GALNT9: variants seen among roughly 807,000 people sequenced by gnomAD.
GALNT9 encodes polypeptide N-acetylgalactosaminyltransferase 9.
A neutral mutation model predicts 63.1 loss-of-function variants in GALNT9; 47 were observed. The ratio of observed to expected loss-of-function variants is 0.75; its 90% CI spans 0.59 to 0.95. The LOEUF (loss-of-function observed/expected upper bound fraction) is 0.95, where lower values mean the gene tolerates loss of function less well. Among genes scored for constraint, GALNT9 ranks in the 40% least tolerant of loss-of-function variants. GALNT9 has a pLI of 0.00. For synonymous variants in GALNT9, 396 were observed against 365.7 expected, an observed-to-expected ratio of 1.08 and a Z score of -0.94; for missense variants, 829 against 874.8, an observed-to-expected ratio of 0.95 and a Z score of 0.66.
At chr12:132,262,715 C>T (rs936349276) in intron 2 of GALNT9, 90 bp from the exon 3 acceptor site, 38 of 1,450,054 alleles carry the variant, frequency 2.6e-5, no homozygotes, top group Middle Eastern at 2.5e-4. Flanking sequence ...GCAGGAGACA[C>T]GGTTTGGGGT....
chr12:132,296,842 G>A lies in GALNT9; in HGVS notation c.239-10412C>T, dbSNP rs1256415765. The stretch of plus-strand genomic sequence containing the variant: ...AGAGCACACACGCATTGGGGGCTGG[G>A]CGGGGGGAGGGTGGAACTCTTCCTT... On this transcript the variant is annotated intron_variant, in intron 1 of 10. Transcript: ENST00000328957. The surrounding 1 kb of genome is among the most constrained non-coding windows in gnomAD (Gnocchi z 4.2). Among the ~76,000 whole-genome samples the A allele has an allele frequency of 6.6e-6, 1 of 151,894 alleles. No individual in the cohort carries two copies. Among genetic ancestry groups the A allele is most frequent in the Non-Finnish European group, 1.5e-5 (1 of 67,964 alleles).
At chr12:132,288,690 C>T (rs969297638) in intron 1 of GALNT9, among the ~76,000 whole-genome samples, 13 of 146,284 alleles carry the variant, frequency 8.9e-5, no homozygotes, top group East Asian at 8.3e-4. Context: ...GCATTGGACC[C>T]GGCAGGAGGG....
intron 6 of GALNT9, among the ~76,000 whole-genome samples, chr12:132,230,043 G>A (rs1203990131): frequency 5.3e-5 from 8 of 152,294 alleles, no homozygotes; most frequent in South Asian, 4.1e-4. Context: ...CTGGGCAGGC[G>A]TGTGGCTGCA....
intron 6 of GALNT9, among the ~76,000 whole-genome samples, chr12:132,217,603 TCC>T (rs1877264711): frequency 1.4e-5 from 2 of 140,478 alleles, no homozygotes; most frequent in Admixed American, 7.2e-5. Context: ...CATCCATCCA[TCC>T]ATCCAGCCAT....
intron 5 of GALNT9, among the ~76,000 whole-genome samples, chr12:132,254,871 G>C (rs1879053891): frequency 6.6e-6 from 1 of 152,220 alleles, no homozygotes; most frequent in Non-Finnish European, 1.5e-5. Flanking sequence ...GGCTTGCCGG[G>C]AGCGGCTGTT....
chr12:132,270,285 C>G (rs1264405079), intron 2 of GALNT9, among the ~76,000 whole-genome samples: 1 of 152,188 alleles, frequency 6.6e-6, no homozygotes, highest in Non-Finnish European at 1.5e-5. Context: ...CCGTGTCTCC[C>G]TGAAATAGCC....
intron 5 of GALNT9, among the ~76,000 whole-genome samples, chr12:132,255,167 G>C: frequency 6.6e-6 from 1 of 152,130 alleles, no homozygotes; most frequent in East Asian, 1.9e-4. Context: ...ATGGGAAGAG[G>C]GTTTGGACAA....
intron 1 of GALNT9, among the ~76,000 whole-genome samples, chr12:132,324,723 TC>T (rs1467741090): frequency 2.6e-5 from 4 of 151,676 alleles, no homozygotes; most frequent in African/African-American, 9.7e-5. Context: ...CCTGGCATTC[TC>T]CCCCCACCGC....
intron 6 of GALNT9, among the ~76,000 whole-genome samples, chr12:132,227,102 C>T (rs1450672683): frequency 1.3e-5 from 2 of 152,022 alleles, no homozygotes; most frequent in African/African-American, 2.4e-5. Flanking sequence ...GCAAATTGTA[C>T]ATAAATCCAT....
At chr12:132,200,746 C>T (rs1200104970) in intron 8 of GALNT9, 1 of 237,230 alleles carries the variant, frequency 4.2e-6, no homozygotes, top group African/African-American at 2.3e-5. Flanking sequence ...GCATGTATCC[C>T]TATGTACACA....
intron 2 of GALNT9, among the ~76,000 whole-genome samples, chr12:132,268,700 T>C (rs1879747764): frequency 6.6e-6 from 1 of 152,026 alleles, no homozygotes; most frequent in Non-Finnish European, 1.5e-5. Context: ...AAACAAAATG[T>C]CCAATGAAAA....
chr12:132,247,553 C>A, intron 6 of GALNT9: 1 of 489,812 alleles, frequency 2.0e-6, no homozygotes, highest in Admixed American at 2.3e-5. Flanking sequence ...AGCCCTGGAC[C>A]TCACCCTGTC....
At chr12:132,254,545 AG>A (rs1306304294) in intron 5 of GALNT9, among the ~76,000 whole-genome samples, 6 of 152,178 alleles carry the variant, frequency 3.9e-5, no homozygotes, top group Non-Finnish European at 8.8e-5. Context: ...ACAGGGCTCC[AG>A]CACGTGACTC....
intron 4 of GALNT9, 71 bp downstream of exon 4, chr12:132,260,877 C>A (rs994683584): frequency 2.8e-5 from 41 of 1,444,756 alleles, no homozygotes; most frequent in Non-Finnish European, 3.7e-5. Flanking sequence ...TGCAGCCGCA[C>A]GGCGGCTTAG....
rs1284178450 is a variant in GALNT9 at position 132,246,892 on chromosome 12, C to T, written c.1077+1018G>A. On this transcript the variant is annotated intron_variant, in intron 6 of 10. Transcript: ENST00000328957. This position sits in a 1 kb window ranked among gnomAD's most constrained non-coding sequence, Gnocchi z 4.7. Reference sequence around the variant, plus strand: ...CAATCGCGGCCACGGGGAAGGAGGCCGTTTTATTGATTGAATTTGTGTCCA... The same window carrying T: ...CAATCGCGGCCACGGGGAAGGAGGCTGTTTTATTGATTGAATTTGTGTCCA... 6.6e-6 allele frequency among the ~76,000 whole-genome samples: 1 copy of T among 152,118 alleles called. No homozygotes were observed. The highest frequency in any genetic ancestry group is 1.9e-4 in the East Asian group (1 of 5,202).
At chr12:132,263,377 T>C (rs1453228924) in intron 2 of GALNT9, among the ~76,000 whole-genome samples, 2 of 152,176 alleles carry the variant, frequency 1.3e-5, no homozygotes, top group African/African-American at 4.8e-5. Flanking sequence ...TTCATGAACT[T>C]GCAAAATGTG....
At chr12:132,272,778 T>C (rs1879915320) in intron 2 of GALNT9, 1 of 152,276 alleles carries the variant, frequency 6.6e-6, no homozygotes, top group African/African-American at 2.4e-5. Flanking sequence ...ACAAAGCCTG[T>C]GCCCAACGCT....
chr12:132,196,963 C>T lies in GALNT9; in HGVS notation c.*144G>A. The T allele has an allele frequency of 5.4e-6, 8 of 1,487,164 alleles. No individual in the cohort carries two copies. The highest frequency in any genetic ancestry group is 7.1e-6 in the Non-Finnish European group (8 of 1,123,746). The allele number at this position is 1,487,164 out of a possible 1,614,324, so 92.1% of individuals were successfully genotyped here. A position where few individuals can be genotyped will look rare whatever the true frequency, so the allele number is the denominator to read the frequency against. Reference sequence around the variant, plus strand: ...GGGTGACACCCTGGTCACTCAGCCACACCCCGGCCCCTCAGCCTCTGCTGT... The same window carrying T: ...GGGTGACACCCTGGTCACTCAGCCATACCCCGGCCCCTCAGCCTCTGCTGT... On this transcript the variant is annotated 3_prime_UTR_variant, in exon 11 of 11. Coordinates refer to ENST00000328957, the MANE Select transcript of GALNT9 (RefSeq NM_001122636.2).
At chr12:132,212,918 C>A (rs530654528) in intron 6 of GALNT9, among the ~76,000 whole-genome samples, 1 of 118,346 alleles carries the variant, frequency 8.4e-6, no homozygotes, top group Non-Finnish European at 1.8e-5. Context: ...GCTCTCAGAC[C>A]GTGACATGGA....
Sources: allele counts gnomAD v4.1 joint callset (sites outside exome capture counted in the v4.1 genomes callset), GRCh38; gene constraint gnomAD v4.1.1; non-coding constraint Gnocchi (gnomAD v3.1); transcripts MANE v1.5; gene names NCBI Gene and HGNC (gene_info 2026-07-23, HGNC 2026-07-21).